Variants in SCN10A observed in about 807,000 individuals in gnomAD.
SCN10A encodes sodium voltage-gated channel alpha subunit 10, also known as sodium channel protein type 10 subunit alpha.
In SCN10A, 162 loss-of-function variants were observed where a neutral mutation model predicts 170.7. That is an observed-to-expected ratio of 0.95 (90% confidence interval 0.84 to 1.08). SCN10A has a LOEUF of 1.08. Ranked by LOEUF, SCN10A falls within the 50% of genes least tolerant of loss-of-function variation. SCN10A has a pLI of 0.00. For missense variants in SCN10A, 2,527 were observed against 2,436.9 expected (o/e 1.04, Z -0.78); for synonymous variants, 985 against 904.6 (o/e 1.09, Z -1.59).
At chr3:38,804,106 T>A (rs1432003368) in intron 1 of SCN10A, among the ~76,000 whole-genome samples, 1 of 152,184 alleles carries the variant, frequency 6.6e-6, no homozygotes, top group Admixed American at 6.5e-5. Context: ...CTGTAGTGTG[T>A]TCCCATAACT....
At position 38,728,696 on chromosome 3, in the gene SCN10A, C is replaced by A; in HGVS notation, c.2486G>T (p.Arg829Leu). The change falls in exon 16 of 28, where the codon CGC becomes CTC. Residue 829 changes from arginine (R) to leucine (L), a missense_variant. Coordinates refer to ENST00000449082, the MANE Select transcript of SCN10A (RefSeq NM_006514.4). ...GTGGAAGAAGTCGTGCATGTGCCAG[C>A]GGGGCCAGTCTTCATGGGGCGCGGA... ...NISAPHEDWP[R>L]WHMHDFFHSF... 1 of 1,614,120 alleles carries A rather than the reference C, an allele frequency of 6.2e-7. No individual in the cohort carries two copies.
chr3:38,791,300 C>T (rs1264676513), intron 3 of SCN10A, among the ~76,000 whole-genome samples: 1 of 152,112 alleles, frequency 6.6e-6, no homozygotes, highest in African/African-American at 2.4e-5. Flanking sequence ...CTTAGGAAAC[C>T]AAACCAAAGT....
intron 1 of SCN10A, among the ~76,000 whole-genome samples, chr3:38,815,540 T>C (rs925429492): frequency 6.6e-6 from 1 of 152,152 alleles, no homozygotes; most frequent in African/African-American, 2.4e-5. Flanking sequence ...TTGCCTTGAG[T>C]TTAGGACAAA....
chr3:38,753,292 T>G (rs1306817944), intron 11 of SCN10A, among the ~76,000 whole-genome samples: 2 of 152,224 alleles, frequency 1.3e-5, no homozygotes, highest in African/African-American at 2.4e-5. Context: ...GTAGTTCCCA[T>G]GACCATAGTG....
At chr3:38,805,232 T>C (rs1408678690) in intron 1 of SCN10A, among the ~76,000 whole-genome samples, 1 of 152,160 alleles carries the variant, frequency 6.6e-6, no homozygotes, top group Non-Finnish European at 1.5e-5. Flanking sequence ...AGAATGTGGT[T>C]GGACCTTTCA....
Position 38,746,059 on chromosome 3 carries a change from A to ATGTGTGTATATATATATG in SCN10A, c.1868-3531_1868-3530insCATATATATATACACACA, listed in dbSNP as rs1171627666. Among the ~76,000 whole-genome samples, 29 of 65,864 alleles carry ATGTGTGTATATATATATG rather than the reference A, an allele frequency of 4.4e-4. 1 individual carries two copies. Among genetic ancestry groups the ATGTGTGTATATATATATG allele is most frequent in the African/African-American group, 1.2e-3 (20 of 16,502 alleles). The allele number at this position is 65,864 out of a possible 152,430, so 43.2% of individuals were successfully genotyped here. A position where few individuals can be genotyped will look rare whatever the true frequency, so the allele number is the denominator to read the frequency against. Reference sequence around the variant, plus strand: ...TATATACATATATATATGTGTGTGTATGTGTATATATATATATATATATAT... The same window carrying ATGTGTGTATATATATATG: ...TATATACATATATATATGTGTGTGTATGTGTGTATATATATATGTGTGTATATATATATATATATATAT... On this transcript the variant is annotated intron_variant, in intron 13 of 27. Coordinates refer to ENST00000449082, the MANE Select transcript of SCN10A (RefSeq NM_006514.4).
At chr3:38,718,612 G>A (rs1184520957) in intron 21 of SCN10A, 41 bp downstream of exon 21, 3 of 1,605,828 alleles carry the variant, frequency 1.9e-6, no homozygotes, top group African/African-American at 1.3e-5. Flanking sequence ...GAGTCAGAGG[G>A]GAGGACCCCA....
At chr3:38,736,973 T>TTG (rs1559433134) in intron 15 of SCN10A, among the ~76,000 whole-genome samples, 4 of 100,196 alleles carry the variant, frequency 4.0e-5, no homozygotes, top group African/African-American at 1.2e-4. Flanking sequence ...GTTTTTTTTT[T>TTG]TTTTTTTTTT....
At chr3:38,780,236 T>G (rs2064123560) in intron 4 of SCN10A, among the ~76,000 whole-genome samples, 1 of 152,042 alleles carries the variant, frequency 6.6e-6, no homozygotes, top group African/African-American at 2.4e-5. Flanking sequence ...GTGCAATTTT[T>G]GTCCTATTTC....
chr3:38,763,351 T>C (rs767793827), intron 6 of SCN10A, among the ~76,000 whole-genome samples, 154 bp downstream of exon 6: 3 of 152,170 alleles, frequency 2.0e-5, no homozygotes, highest in Non-Finnish European at 4.4e-5. Context: ...GAAGAGGCCT[T>C]GGGTTTATGT....
intron 4 of SCN10A, among the ~76,000 whole-genome samples, chr3:38,787,774 A>C (rs1007118354): frequency 6.6e-6 from 1 of 152,024 alleles, no homozygotes; most frequent in Non-Finnish European, 1.5e-5. Context: ...TGCACCCTTC[A>C]ACCCGTCATT....
At chr3:38,734,602 T>C (rs1174486786) in intron 15 of SCN10A, among the ~76,000 whole-genome samples, 1 of 152,222 alleles carries the variant, frequency 6.6e-6, no homozygotes, top group Non-Finnish European at 1.5e-5. Flanking sequence ...CATGATTATC[T>C]CAATACATGT....
At chr3:38,723,633 CT>C (rs2063419994) in intron 18 of SCN10A, 80 bp from the exon 19 acceptor site, 1 of 1,497,478 alleles carries the variant, frequency 6.7e-7, no homozygotes, top group African/African-American at 1.4e-5. Context: ...GCAGGTTCAA[CT>C]GCACCCATGT....
At chr3:38,740,891 T>C (rs1187714451) in intron 14 of SCN10A, among the ~76,000 whole-genome samples, 1 of 152,222 alleles carries the variant, frequency 6.6e-6, no homozygotes, top group South Asian at 2.1e-4. Flanking sequence ...CAAATGTCTA[T>C]TCCATAAGGC....
At chr3:38,756,426 C>T (rs1166974873) in intron 10 of SCN10A, among the ~76,000 whole-genome samples, 1 of 152,134 alleles carries the variant, frequency 6.6e-6, no homozygotes, top group Non-Finnish European at 1.5e-5. Context: ...TGTTTAGTTC[C>T]ACCCTCTGCC....
intron 1 of SCN10A, among the ~76,000 whole-genome samples, chr3:38,810,860 T>C (rs1451365837): frequency 6.6e-6 from 1 of 152,230 alleles, no homozygotes; most frequent in Admixed American, 6.5e-5. Flanking sequence ...CATTGTAGCA[T>C]ATGCTTACTG....
chr3:38,702,442 T>C (rs2063166385), intron 26 of SCN10A, among the ~76,000 whole-genome samples: 1 of 152,226 alleles, frequency 6.6e-6, no homozygotes, highest in Admixed American at 6.5e-5. Flanking sequence ...AAGCTCCACT[T>C]ACTGCATGGA....
chr3:38,810,187 T>C (rs1177865014), intron 1 of SCN10A, among the ~76,000 whole-genome samples: 2 of 152,210 alleles, frequency 1.3e-5, no homozygotes, highest in East Asian at 3.8e-4. Flanking sequence ...TCATGAACAA[T>C]AATCCCCCTT....
At chr3:38,782,964 G>A (rs1365983624) in intron 4 of SCN10A, among the ~76,000 whole-genome samples, 1 of 152,142 alleles carries the variant, frequency 6.6e-6, no homozygotes, top group Non-Finnish European at 1.5e-5. Flanking sequence ...GGAGGTTGAA[G>A]CCTGAGATTG....
Sources: gnomAD v4.1 joint callset for allele counts (sites outside exome capture counted in the v4.1 genomes callset) on GRCh38, gnomAD v4.1.1 for gene constraint, MANE v1.5 for transcripts, NCBI Gene and HGNC (gene_info 2026-07-23, HGNC 2026-07-21) for gene names.